CD36: variants seen among roughly 807,000 people sequenced by gnomAD.
The protein encoded by CD36 is CD36 molecule (CD36 blood group).
A neutral mutation model predicts 55.2 loss-of-function variants in CD36; 119 were observed. The ratio of observed to expected loss-of-function variants is 2.15; its 90% CI spans 1.86 to 2.51. The LOEUF (loss-of-function observed/expected upper bound fraction) is 2.51. Among genes scored for constraint, CD36 ranks in the 30% most tolerant of loss-of-function variants. The pLI is 0.00. For missense variants in CD36, 819 were observed against 555.5 expected, an observed-to-expected ratio of 1.47 and a Z score of -4.77; for synonymous variants, 186 against 193.6, an observed-to-expected ratio of 0.96 and a Z score of 0.33.
At chr7:80,624,277 A>G (rs555515627) in intron 1 of CD36, 22 of 152,202 alleles carry the variant, frequency 1.4e-4, no homozygotes, top group African/African-American at 5.3e-4. Flanking sequence ...AAAATTTCCT[A>G]CTTTGATCTG....
chr7:80,664,415 A>G lies in CD36; in HGVS notation c.619A>G (p.Thr207Ala), dbSNP rs746661865. 1 of 1,526,778 alleles carries G rather than the reference A, an allele frequency of 6.5e-7. No homozygotes were observed. Among genetic ancestry groups the G allele is most frequent in the East Asian group, 2.3e-5 (1 of 44,352 alleles). The allele number at this position is 1,526,778 out of a possible 1,614,324, so 94.6% of individuals were successfully genotyped here. Residue 207 changes from threonine (T) to alanine (A), a missense_variant, in exon 7 of 15, where the codon ACT (threonine) becomes GCT (alanine). Coordinates refer to ENST00000447544, the MANE Select transcript of CD36 (RefSeq NM_001001548.3). Reference protein sequence around the residue: ...TVGLFYPYNNTADGVYKVFNG... With the variant: ...TVGLFYPYNNAADGVYKVFNG... Reference sequence around the variant, plus strand: ...CATACATATATTTCAGTACAACAATACTGCAGATGGAGTTTATAAAGTTTT... The same window carrying G: ...CATACATATATTTCAGTACAACAATGCTGCAGATGGAGTTTATAAAGTTTT...
In CD36 at chr7:80,645,005, GT is replaced by G. The variant is rs1334178431; in HGVS notation, c.-183-1082del. 2.1e-5 allele frequency among the ~76,000 whole-genome samples: 3 copies of G among 140,452 alleles called. No individual in the cohort carries two copies. The Admixed American group carries it at 2.3e-4, about 11-fold the overall frequency. The allele number at this position is 140,452 out of a possible 152,430, so 92.1% of individuals were successfully genotyped here. On this transcript the variant is annotated intron_variant, in intron 1 of 14. Coordinates refer to ENST00000447544, the MANE Select transcript of CD36 (RefSeq NM_001001548.3). ...GTAGGATCCACTCATTTCACAAACTGTATTCTTTCTTCCAATCTTTTTTTTT... is the reference window on the plus strand; with the variant it reads ...GTAGGATCCACTCATTTCACAAACTGATTCTTTCTTCCAATCTTTTTTTTT...
chr7:80,628,584 TTTGA>T (rs1423753544), intron 1 of CD36, among the ~76,000 whole-genome samples: 2 of 151,986 alleles, frequency 1.3e-5, no homozygotes, highest in East Asian at 1.9e-4. Flanking sequence ...GAGCTAGAAG[TTTGA>T]TTAAGTGTTT....
chr7:80,666,899 G>A (rs1797144782), intron 8 of CD36, among the ~76,000 whole-genome samples: 1 of 152,134 alleles, frequency 6.6e-6, no homozygotes, highest in Non-Finnish European at 1.5e-5. Flanking sequence ...TCTAAGCAAG[G>A]CTTATAGCTG....
intron 8 of CD36, among the ~76,000 whole-genome samples, chr7:80,669,449 CAA>C (rs1797431281): frequency 6.6e-6 from 1 of 151,994 alleles, no homozygotes; most frequent in South Asian, 2.1e-4. Flanking sequence ...TTGTTTGAGA[CAA>C]AGTTTTCCAC....
chr7:80,676,383 G>C lies in CD36; in HGVS notation c.*1-1G>C, dbSNP rs1187586408. On this transcript the variant is annotated splice_acceptor_variant, in intron 14 of 14. Transcript: ENST00000447544. LOFTEE classifies it low-confidence loss of function (3UTR_SPLICE). ...AACTGAATTGATTTCCGTTTCTACAGACCTGGCTCAAGCACAAACCAATTT... is the reference window on the plus strand; with the variant it reads ...AACTGAATTGATTTCCGTTTCTACACACCTGGCTCAAGCACAAACCAATTT... The C allele has an allele frequency of 6.6e-6, 1 of 151,998 alleles. No homozygotes were observed. The highest frequency in any genetic ancestry group is 6.6e-5 in the Admixed American group (1 of 15,242). The allele number at this position is 151,998 out of a possible 1,614,324, so 9.4% of individuals were successfully genotyped here.
rs1797914446 is a variant in CD36, at chr7:80,673,361, A to C, written c.1206A>C (p.Leu402Phe). Residue 402 changes from leucine to phenylalanine, a missense_variant, in exon 13 of 15, where the codon TTA becomes TTC. Physicochemically the swap from Leu to Phe is conservative, Grantham distance 22 (BLOSUM62 0). Coordinates refer to ENST00000447544, the MANE Select transcript of CD36 (RefSeq NM_001001548.3). ...TTTTCAACGTATATTACAGAGTATTAAAGAATCTGAAGAGGAACTATATTG... is the reference window on the plus strand; with the variant it reads ...TTTTCAACGTATATTACAGAGTATTCAAGAATCTGAAGAGGAACTATATTG... ...LVKPSEKIQVLKNLKRNYIVP... is the reference protein window; with the variant it reads ...LVKPSEKIQVFKNLKRNYIVP... The C allele has an allele frequency of 6.8e-7, 1 of 1,464,612 alleles. No homozygotes were observed. The highest frequency in any genetic ancestry group is 1.4e-5 in the African/African-American group (1 of 71,932). 90.7% of individuals were successfully genotyped at this position (1,464,612 alleles called of 1,614,324 possible).
chr7:80,673,074 C>A, intron 12 of CD36: 1 of 525,832 alleles, frequency 1.9e-6, no homozygotes, highest in Non-Finnish European at 3.4e-6. Flanking sequence ...TGTTAGCTGC[C>A]CAAATATTTC....
intron 3 of CD36, among the ~76,000 whole-genome samples, chr7:80,653,352 G>A (rs535820077): frequency 1.8e-4 from 27 of 152,338 alleles, no homozygotes; most frequent in Middle Eastern, 3.4e-3. Flanking sequence ...CAGTTATGTA[G>A]ATGATTATTG....
At chr7:80,672,893 AT>A (rs776232965) in intron 12 of CD36, 50 bp downstream of exon 12, 423 of 1,171,718 alleles carry the variant, frequency 3.6e-4, no homozygotes, top group Middle Eastern at 6.7e-4. Flanking sequence ...GTATCGTAGT[AT>A]CTTCTTGTAA....
At chr7:80,646,364 G>C (rs1795166564) in intron 2 of CD36, 183 bp downstream of exon 2, 1 of 292,218 alleles carries the variant, frequency 3.4e-6, no homozygotes, top group Non-Finnish European at 6.7e-6. Flanking sequence ...ATGAGGGTGA[G>C]AGTTCTCCTT....
rs1241351939 is a variant in CD36 at position 80,668,143 on chromosome 7, C to CAATGCTAGTAG, written c.748+1655_748+1665dup. The stretch of plus-strand genomic sequence containing the variant: ...TAAATTTTCAAGTCCTCAATACTAC[C>CAATGCTAGTAG]AATGCTAGTAGTTGTATAAGCGGAA... On this transcript the variant is annotated intron_variant, in intron 8 of 14. Coordinates refer to ENST00000447544, the MANE Select transcript of CD36 (RefSeq NM_001001548.3). Among the ~76,000 whole-genome samples the CAATGCTAGTAG allele has an allele frequency of 3.3e-5, 5 of 152,208 alleles. No homozygotes were observed. In the East Asian group the frequency reaches 9.7e-4, roughly 29 times the overall value.
At chr7:80,602,942 T>G (rs1193058005) in intron 1 of CD36, among the ~76,000 whole-genome samples, 1 of 152,116 alleles carries the variant, frequency 6.6e-6, no homozygotes, top group Non-Finnish European at 1.5e-5. Context: ...AGAAATAACC[T>G]AAAAGACCAA....
chr7:80,640,710 G>C (rs1263446833), intron 1 of CD36, among the ~76,000 whole-genome samples: 3 of 151,962 alleles, frequency 2.0e-5, no homozygotes, highest in African/African-American at 7.2e-5. Flanking sequence ...GAACTTAAGG[G>C]AATAATTTCA....
In CD36 at chr7:80,661,171, A is replaced by T. The variant is rs148114593; in HGVS notation, c.390A>T (p.Thr130=). 5.3e-4 allele frequency: 862 copies of T among 1,614,050 alleles called. 3 individuals are homozygous for T. Among genetic ancestry groups the T allele is most frequent in the Admixed American group, 7.3e-4 (44 of 60,022 alleles). ...TCGAACCTTCACTATCAGTTGGAAC[A>T]GAGGCTGACAACTTCACAGTTCTCA... ...AIFEPSLSVG[T]EADNFTVLNL... Residue 130 remains threonine (T), a synonymous_variant, in exon 5 of 15, where the codon ACA becomes ACT. Transcript: ENST00000447544.
chr7:80,604,712 T>G (rs959305230), intron 1 of CD36, among the ~76,000 whole-genome samples: 3 of 152,004 alleles, frequency 2.0e-5, no homozygotes, highest in Non-Finnish European at 4.4e-5. Context: ...CCTTCAGTGC[T>G]TGTGATGTTT....
chr7:80,665,045 A>T (rs190768960), intron 7 of CD36, among the ~76,000 whole-genome samples: 1 of 152,116 alleles, frequency 6.6e-6, no homozygotes, highest in Non-Finnish European at 1.5e-5. Context: ...ATAATTTTCC[A>T]TATTGATAAC....
intron 1 of CD36, among the ~76,000 whole-genome samples, chr7:80,610,139 C>T (rs1410037102): frequency 6.6e-6 from 1 of 152,176 alleles, no homozygotes; most frequent in African/African-American, 2.4e-5. Context: ...CTAGATTTAT[C>T]ACAGTAGTTC....
upstream of CD36, among the ~76,000 whole-genome samples, chr7:80,634,470 T>C (rs1020326177): frequency 2.0e-5 from 3 of 152,158 alleles, no homozygotes; most frequent in Non-Finnish European, 4.4e-5. Context: ...AAAGTTTAAA[T>C]CTACTATCTG....
Sources: gnomAD v4.1 joint callset for allele counts (sites outside exome capture counted in the v4.1 genomes callset) on GRCh38, gnomAD v4.1.1 for gene constraint, MANE v1.5 for transcripts, NCBI Gene and HGNC (gene_info 2026-07-23, HGNC 2026-07-21) for gene names.